SLC35E2B: variants seen among roughly 807,000 people sequenced by gnomAD.
SLC35E2B encodes solute carrier family 35, member E2B.
SLC35E2B carries 18 observed loss-of-function variants against 32.4 expected under a neutral mutation model. The ratio of observed to expected loss-of-function variants is 0.56; its 90% CI spans 0.38 to 0.82. The LOEUF is 0.82. Among genes scored for constraint, SLC35E2B ranks in the 40% least tolerant of loss-of-function variants. The probability of loss-of-function intolerance (pLI) is 0.00; values close to 1 mark genes in which losing one functional copy is unlikely to be tolerated. For missense variants in SLC35E2B, 263 were observed against 469.5 expected (o/e 0.56, Z 4.06); for synonymous variants, 132 against 209.1 (o/e 0.63, Z 3.18).
At chr1:1,675,281 C>T (rs1171533206) in intron 5 of SLC35E2B, among the ~76,000 whole-genome samples, 182 bp downstream of exon 5, 2 of 150,438 alleles carry the variant, frequency 1.3e-5, no homozygotes, top group African/African-American at 2.5e-5. Flanking sequence ...ACCTGGCAGA[C>T]GCCAGGCTCC....
chr1:1,671,630 C>A lies in SLC35E2B; in HGVS notation c.587-1G>T. The A allele has an allele frequency of 6.5e-7, 1 of 1,541,850 alleles. No individual in the cohort carries two copies. Among genetic ancestry groups the A allele is most frequent in the African/African-American group, 1.4e-5 (1 of 72,786 alleles). On this transcript the variant is annotated splice_acceptor_variant, in intron 5 of 9. Coordinates refer to ENST00000617444, the MANE Select transcript of SLC35E2B (RefSeq NM_001290264.2). LOFTEE classifies it high-confidence loss of function. ...ATGAGGGAGAGGTTGACCAGCAGCC[C>A]TGGCGAGAGGACAGCCCCTGTGAGT... is the stretch of plus-strand genomic sequence containing the variant.
At chr1:1,682,758 GTCCT>G (rs1643911522) in intron 2 of SLC35E2B, among the ~76,000 whole-genome samples, 2 of 152,168 alleles carry the variant, frequency 1.3e-5, no homozygotes, top group South Asian at 2.1e-4. Flanking sequence ...ACAGCCCGGG[GTCCT>G]TCCTAAGTAG....
rs1230813836 is a variant in SLC35E2B at position 1,675,481 on chromosome 1, T to A, written c.568A>T (p.Ile190Phe). ...PIFTVIMSRM[I>F]LGEYTGLLVN... ...GCCTCACCTGTGTACTCCCCCAGAA[T>A]CATCCGAGACATGATCACCGTGAAG... The change falls in exon 5 of 10, where the codon ATT (isoleucine) becomes TTT (phenylalanine). Residue 190 changes from isoleucine to phenylalanine, a missense_variant. By Grantham distance (21) the Ile-to-Phe change is conservative (BLOSUM62 0). Transcript: ENST00000617444. 3.1e-6 allele frequency: 5 copies of A among 1,609,888 alleles called. No individual in the cohort carries two copies. Among genetic ancestry groups the A allele is most frequent in the Non-Finnish European group, 3.4e-6 (4 of 1,178,638 alleles).
chr1:1,665,551 T>C lies in SLC35E2B; in HGVS notation c.*231A>G. On this transcript the variant is annotated 3_prime_UTR_variant, in exon 10 of 10. Coordinates refer to ENST00000617444, the MANE Select transcript of SLC35E2B (RefSeq NM_001290264.2). ...GTTTTCACATTACACGGGGATGGGCTCGGCGGACACAGTCAGCTACTGGTC... is the reference window on the plus strand; with the variant it reads ...GTTTTCACATTACACGGGGATGGGCCCGGCGGACACAGTCAGCTACTGGTC... The C allele has an allele frequency of 3.1e-6, 2 of 655,726 alleles. No homozygotes were observed. The highest frequency in any genetic ancestry group is 2.1e-5 in the South Asian group (1 of 47,952). The allele number at this position is 655,726 out of a possible 1,614,324, so 40.6% of individuals were successfully genotyped here.
intron 9 of SLC35E2B, 84 bp from the exon 10 acceptor site, chr1:1,666,103 C>T: frequency 6.9e-7 from 1 of 1,453,408 alleles, no homozygotes; most frequent in Non-Finnish European, 9.2e-7. Flanking sequence ...GAGCCTGGGT[C>T]TGGAGGCTGG....
intron 5 of SLC35E2B, 125 bp from the exon 6 acceptor site, chr1:1,671,754 T>G: frequency 2.9e-6 from 3 of 1,041,894 alleles, no homozygotes; most frequent in Non-Finnish European, 4.0e-6. Context: ...AAAACAATAC[T>G]TGTCAGTTTC....
chr1:1,685,159 T>A (rs1019966509), intron 2 of SLC35E2B, among the ~76,000 whole-genome samples: 1 of 150,498 alleles, frequency 6.6e-6, no homozygotes, highest in Non-Finnish European at 1.5e-5. Flanking sequence ...TGTTGGTTCA[T>A]GCTTGTAATC....
chr1:1,681,707 C>T (rs1643900913), intron 2 of SLC35E2B, among the ~76,000 whole-genome samples: 1 of 146,744 alleles, frequency 6.8e-6, no homozygotes, highest in South Asian at 2.4e-4. Context: ...GGATTTAGGC[C>T]GGGCGTGGTG....
chr1:1,677,332 C>T (rs1167912639), intron 2 of SLC35E2B, among the ~76,000 whole-genome samples: 5 of 150,512 alleles, frequency 3.3e-5, no homozygotes, highest in Admixed American at 2.7e-4. Flanking sequence ...TCTTGAGAGA[C>T]GGTCTCCTGG....
chr1:1,686,321 C>CTTTTTTTTTT (rs375495225), intron 2 of SLC35E2B, among the ~76,000 whole-genome samples: 119 of 127,670 alleles, frequency 9.3e-4, no homozygotes, highest in East Asian at 1.4e-3. Context: ...CTTTTTTTTT[C>CTTTTTTTTTT]TTTTTTTTTT....
In SLC35E2B at chr1:1,665,926, G is replaced by A. The variant is rs571894282; in HGVS notation, c.1074C>T (p.Ala358=). The A allele has an allele frequency of 2.6e-6, 4 of 1,551,466 alleles. No homozygotes were observed. In the Admixed American group the frequency reaches 7.8e-5, roughly 30 times the overall value. Residue 358 remains alanine, a synonymous_variant, in exon 10 of 10, where the codon GCC becomes GCT. Transcript: ENST00000617444. ...AGAGCAGGACCCCAACGGTCACCAGGGCTGTGCCAACGGCCGACAAGCTGG... is the reference window on the plus strand; with the variant it reads ...AGAGCAGGACCCCAACGGTCACCAGAGCTGTGCCAACGGCCGACAAGCTGG... ...KITSLSAVGT[A]LVTVGVLLYN...
intron 2 of SLC35E2B, among the ~76,000 whole-genome samples, chr1:1,683,694 C>T (rs991868136): frequency 2.6e-5 from 4 of 151,976 alleles, no homozygotes; most frequent in Admixed American, 6.5e-5. Flanking sequence ...GGTGTTCTGG[C>T]GACCAGTCCC....
intron 1 of SLC35E2B, 48 bp downstream of exon 1, chr1:1,692,401 G>A (rs1399263375): frequency 1.7e-5 from 17 of 992,924 alleles, no homozygotes; most frequent in Non-Finnish European, 1.7e-5. Flanking sequence ...CGAGCACGCA[G>A]CACCCAGCAC....
chr1:1,667,344 C>T (rs1454654767), intron 9 of SLC35E2B, among the ~76,000 whole-genome samples: 3 of 151,944 alleles, frequency 2.0e-5, no homozygotes, highest in Admixed American at 6.6e-5. Flanking sequence ...ACCCGGGAGG[C>T]GGAGCTTGCA....
rs754236063 is a variant in SLC35E2B at position 1,676,087 on chromosome 1, C to T, written c.435G>A (p.Thr145=). Residue 145 remains threonine (T), a synonymous_variant, in exon 4 of 10, where the codon ACG becomes ACA. Transcript: ENST00000617444. Reference sequence around the variant, plus strand: ...ACCTCATCAGACCCACAAACAGCATCGTCATAAGGAAGTTGGGTGGGTAGG... The same window carrying T: ...ACCTCATCAGACCCACAAACAGCATTGTCATAAGGAAGTTGGGTGGGTAGG... ...RLSYPPNFLM[T]MLFVGLMRFA... is the part of the protein sequence containing the mutation. 6.4e-6 allele frequency: 8 copies of T among 1,252,880 alleles called. No homozygotes were observed. In the Admixed American group the frequency reaches 1.0e-4, roughly 16 times the overall value. The allele number at this position is 1,252,880 out of a possible 1,614,324, so 77.6% of individuals were successfully genotyped here.
In SLC35E2B at chr1:1,692,535, G is replaced by C. The variant is rs115302719; in HGVS notation, c.-652C>G. The C allele has an allele frequency of 1.0e-6, 1 of 984,602 alleles. No individual in the cohort carries two copies. The highest frequency in any genetic ancestry group is 1.8e-5 in the African/African-American group (1 of 55,478). The allele number at this position is 984,602 out of a possible 1,614,324, so 61.0% of individuals were successfully genotyped here. On this transcript the variant is annotated 5_prime_UTR_variant, in exon 1 of 10. Transcript: ENST00000617444. ...AGGGACGCTGGCGGGCGGGGCCTGA[G>C]AGGCGCGCGGTGGAGGGGCCGGGCG...
Position 1,663,706 on chromosome 1 carries a change from T to C in SLC35E2B, c.*2076A>G, listed in dbSNP as rs1434875336. ...GGCTGGTCTCGAACTCCTGGCCTTG[T>C]GATCCGCCAGCTGCTGCCTCCCAAA... is the stretch of plus-strand genomic sequence containing the variant. On this transcript the variant is annotated 3_prime_UTR_variant, in exon 10 of 10. Coordinates refer to ENST00000617444, the MANE Select transcript of SLC35E2B (RefSeq NM_001290264.2). 1 of 403,218 alleles carries C rather than the reference T, an allele frequency of 2.5e-6. No individual in the cohort carries two copies. The highest frequency in any genetic ancestry group is 6.8e-5 in the Admixed American group (1 of 14,804). 25.0% of individuals were successfully genotyped at this position (403,218 alleles called of 1,614,324 possible). A position where few individuals can be genotyped will look rare whatever the true frequency, so the allele number is the denominator to read the frequency against.
At chr1:1,668,186 T>C (rs1334604096) in intron 9 of SLC35E2B, 141 bp downstream of exon 9, 24 of 1,219,010 alleles carry the variant, frequency 2.0e-5, no homozygotes, top group South Asian at 3.1e-5. Context: ...GGGTATAAAA[T>C]AGCCTAGTAA....
In SLC35E2B at chr1:1,664,865, A is replaced by C. The variant is rs1109645; in HGVS notation, c.*917T>G. The C allele has an allele frequency of 2.5e-6, 2 of 796,018 alleles. No individual in the cohort carries two copies. Among genetic ancestry groups the C allele is most frequent in the Non-Finnish European group, 3.0e-6 (2 of 667,626 alleles). The allele number at this position is 796,018 out of a possible 1,614,324, so 49.3% of individuals were successfully genotyped here. A position where few individuals can be genotyped will look rare whatever the true frequency, so the allele number is the denominator to read the frequency against. On this transcript the variant is annotated 3_prime_UTR_variant, in exon 10 of 10. Transcript: ENST00000617444. ...ACAGGTGCTAGATGATGATAGGAAC[A>C]GTGGGCTCTGAGGGAGGACAGACAG...
Sources: allele counts gnomAD v4.1 joint callset (sites outside exome capture counted in the v4.1 genomes callset), GRCh38; gene constraint gnomAD v4.1.1; transcripts MANE v1.5; gene names NCBI Gene and HGNC (gene_info 2026-07-23, HGNC 2026-07-21).